Variants in CADM2 observed in about 807,000 individuals in gnomAD.
CADM2 encodes immunoglobulin superfamily member 4D.
In CADM2, 12 loss-of-function variants were observed where a neutral mutation model predicts 49.8. The observed-to-expected ratio is 0.24, with a 90% confidence interval of 0.15 to 0.39. CADM2 has a LOEUF of 0.39. CADM2 is among the 10% of genes least tolerant of loss of function. The pLI is 1.00. For synonymous variants in CADM2, 214 were observed against 175.4 expected, an observed-to-expected ratio of 1.22 and a Z score of -1.74; for missense variants, 378 against 492.3, an observed-to-expected ratio of 0.77 and a Z score of 2.20.
intron 1 of CADM2, among the ~76,000 whole-genome samples, chr3:85,230,376 A>G (rs756892286): frequency 2.0e-4 from 30 of 152,220 alleles, no homozygotes; most frequent in Non-Finnish European, 7.3e-5. Flanking sequence ...TATCCCCTCC[A>G]TTAGTGCAAG....
rs200895162 is a variant in CADM2, at chr3:86,066,669, G to A, written c.1101G>A (p.Thr367=). The part of the protein sequence containing the change: ...LGRYLARHKG[T]YLTNEAKGAE... ...TTTTTCTTCCAATATATGCAGGAAC[G>A]TATTTAACAAATGAAGCTAAAGGAG... The change falls in exon 10 of 10, where the codon ACG becomes ACA. Residue 367 remains threonine, a synonymous_variant. Transcript: ENST00000383699. The A allele has an allele frequency of 7.5e-6, 12 of 1,606,456 alleles. No individual in the cohort carries two copies. Among genetic ancestry groups the A allele is most frequent in the African/African-American group, 5.4e-5 (4 of 74,750 alleles).
intron 1 of CADM2, among the ~76,000 whole-genome samples, chr3:84,982,738 T>TATATATACG (rs58154654): frequency 2.5e-5 from 3 of 121,650 alleles, no homozygotes; most frequent in Admixed American, 8.1e-5. Flanking sequence ...TATATATACA[T>TATATATACG]TTTTTGTTTT....
intron 1 of CADM2, among the ~76,000 whole-genome samples, chr3:85,552,354 T>A (rs1486452820): frequency 7.0e-6 from 1 of 143,086 alleles, no homozygotes. Flanking sequence ...AATAATTAAA[T>A]CACTTTGAAA....
chr3:85,795,569 G>T (rs1301257463), intron 2 of CADM2, among the ~76,000 whole-genome samples: 4 of 152,158 alleles, frequency 2.6e-5, no homozygotes, highest in Non-Finnish European at 5.9e-5. Context: ...CAACCTGGAA[G>T]AACGAGGTAT....
chr3:85,740,334 G>T (rs1361421663), intron 2 of CADM2, among the ~76,000 whole-genome samples: 2 of 152,050 alleles, frequency 1.3e-5, no homozygotes, highest in African/African-American at 2.4e-5. Flanking sequence ...ATAGCACTTG[G>T]TCCAACAGCT....
intron 8 of CADM2, among the ~76,000 whole-genome samples, chr3:85,996,047 G>A (rs978726127): frequency 3.3e-5 from 5 of 150,660 alleles, no homozygotes; most frequent in African/African-American, 1.2e-4. Context: ...CCCAGATCGT[G>A]CCACTGCACT....
chr3:85,791,033 C>A (rs1577319030), intron 2 of CADM2, among the ~76,000 whole-genome samples: 1 of 152,130 alleles, frequency 6.6e-6, no homozygotes, highest in Non-Finnish European at 1.5e-5. Context: ...GGACAGCAGA[C>A]AACTTAAAGT....
In CADM2 at chr3:85,698,209, TAGTC is replaced by T. The variant is rs555963150; in HGVS notation, c.62-28310_62-28307del. On this transcript the variant is annotated intron_variant, in intron 1 of 9. Coordinates refer to ENST00000383699, the MANE Select transcript of CADM2 (RefSeq NM_001167675.2). The stretch of plus-strand genomic sequence containing the variant: ...GGCATCAGTTGAAATCACCTACTGA[TAGTC>T]AGCTGTCAGAGGGGCTGGTCCAAGG... Among the ~76,000 whole-genome samples the T allele has an allele frequency of 3.5e-3, 526 of 152,324 alleles. 4 individuals are homozygous for T. The highest frequency in any genetic ancestry group is 0.012 in the African/African-American group (507 of 41,564).
chr3:85,206,459 C>T (rs2041639136), intron 1 of CADM2, among the ~76,000 whole-genome samples: 1 of 151,946 alleles, frequency 6.6e-6, no homozygotes, highest in African/African-American at 2.4e-5. Context: ...AGGCGCCCGT[C>T]ACCACGCCCG....
intron 1 of CADM2, among the ~76,000 whole-genome samples, chr3:85,009,641 G>A (rs564927362): frequency 3.1e-4 from 47 of 152,182 alleles, no homozygotes; most frequent in African/African-American, 8.9e-4. Flanking sequence ...CAAGGCGGAC[G>A]GATTGCCTGA....
chr3:85,493,962 A>G (rs1211347390), intron 1 of CADM2, among the ~76,000 whole-genome samples: 1 of 152,198 alleles, frequency 6.6e-6, no homozygotes, highest in East Asian at 1.9e-4. Context: ...AAATCCTCAA[A>G]TGTGACAGCA....
chr3:85,712,561 C>T (rs1209807727), intron 1 of CADM2, among the ~76,000 whole-genome samples: 2 of 152,112 alleles, frequency 1.3e-5, no homozygotes, highest in African/African-American at 4.8e-5. Flanking sequence ...CACTTAAGAC[C>T]TTTTCCATTT....
intron 1 of CADM2, among the ~76,000 whole-genome samples, chr3:85,516,259 T>A (rs979916645): frequency 6.6e-6 from 1 of 152,158 alleles, no homozygotes; most frequent in Non-Finnish European, 1.5e-5. Context: ...GTTTGGCATA[T>A]TTTTAGGCTG....
chr3:85,004,392 T>G (rs1219240939), intron 1 of CADM2, among the ~76,000 whole-genome samples: 1 of 152,170 alleles, frequency 6.6e-6, no homozygotes, highest in Non-Finnish European at 1.5e-5. Flanking sequence ...TTTTTTTGTT[T>G]TAAGCACTTA....
intron 5 of CADM2, among the ~76,000 whole-genome samples, chr3:85,901,095 G>A (rs1314076762): frequency 2.0e-5 from 3 of 152,168 alleles, no homozygotes; most frequent in Non-Finnish European, 2.9e-5. Flanking sequence ...TACTGGGGAG[G>A]CTAAAGCAGA....
chr3:85,947,163 G>A (rs942898224), intron 7 of CADM2, among the ~76,000 whole-genome samples: 5 of 151,902 alleles, frequency 3.3e-5, no homozygotes, highest in Admixed American at 3.3e-4. Flanking sequence ...CTCAAAAGAA[G>A]ACATTTATGC....
chr3:85,108,521 A>T (rs2038333098), intron 1 of CADM2, among the ~76,000 whole-genome samples: 1 of 152,168 alleles, frequency 6.6e-6, no homozygotes. Context: ...TGAATAGTAC[A>T]TACCAGAGGC....
chr3:85,768,840 A>G (rs1314788024), intron 2 of CADM2, among the ~76,000 whole-genome samples: 1 of 24,082 alleles, frequency 4.2e-5, no homozygotes, highest in Non-Finnish European at 6.5e-5. Context: ...ATACATATAT[A>G]GTATATATAC....
At chr3:86,012,618 C>A in intron 8 of CADM2, 1 of 1,581,930 alleles carries the variant, frequency 6.3e-7, no homozygotes, top group East Asian at 2.3e-5. Context: ...TCCGACCTGG[C>A]CTTCTTCAGG....
Sources: allele counts gnomAD v4.1 joint callset (sites outside exome capture counted in the v4.1 genomes callset), GRCh38; gene constraint gnomAD v4.1.1; transcripts MANE v1.5; gene names NCBI Gene and HGNC (gene_info 2026-07-23, HGNC 2026-07-21).